PBRM1: variants seen among roughly 807,000 people sequenced by gnomAD.
PBRM1 encodes polybromo 1.
Under a neutral mutation model 194.5 loss-of-function variants are expected in PBRM1, and 27 were observed. The ratio of observed to expected loss-of-function variants is 0.14; its 90% CI spans 0.10 to 0.19. The LOEUF (loss-of-function observed/expected upper bound fraction) is 0.19. Ranked by LOEUF, PBRM1 falls within the 10% of genes least tolerant of loss-of-function variation. The pLI, the probability that PBRM1 is intolerant of heterozygous loss-of-function variation, is 1.00. For missense variants in PBRM1, 1,466 were observed against 2,077.2 expected, an observed-to-expected ratio of 0.71 and a Z score of 5.72; for synonymous variants, 655 against 693.2, an observed-to-expected ratio of 0.94 and a Z score of 0.87.
At chr3:52,600,308 A>G (rs1234180710) in intron 17 of PBRM1, among the ~76,000 whole-genome samples, 2 of 152,202 alleles carry the variant, frequency 1.3e-5, no homozygotes, top group Non-Finnish European at 2.9e-5. Context: ...AATACTGAAA[A>G]TTTGAGAATC....
At chr3:52,563,250 A>G (rs1425267057) in intron 24 of PBRM1, 33 bp downstream of exon 26, 6 of 1,553,684 alleles carry the variant, frequency 3.9e-6, no homozygotes, top group Admixed American at 1.7e-5. Flanking sequence ...AAAGGTGGTA[A>G]TAAGATAAGT....
chr3:52,582,873 G>A (rs990816417), intron 20 of PBRM1, among the ~76,000 whole-genome samples: 2 of 151,754 alleles, frequency 1.3e-5, no homozygotes, highest in African/African-American at 4.8e-5. Context: ...CGAGGCGGGC[G>A]GATCATGAGG....
downstream of PBRM1, chr3:52,547,967 A>C (rs1175384987): frequency 1.2e-5 from 12 of 981,958 alleles, no homozygotes; most frequent in South Asian, 1.5e-4. Flanking sequence ...AATAAAAATT[A>C]TCCTCCTTTG....
chr3:52,588,749 G>T (rs1004274972), intron 18 of PBRM1, among the ~76,000 whole-genome samples: 1 of 151,792 alleles, frequency 6.6e-6, no homozygotes, highest in Admixed American at 6.6e-5. Flanking sequence ...GTAGAGACAG[G>T]GTTTCACTGT....
intron 14 of PBRM1, among the ~76,000 whole-genome samples, chr3:52,615,730 CAA>C (rs1053797671): frequency 1.7e-4 from 26 of 152,208 alleles, no homozygotes; most frequent in African/African-American, 6.3e-4. Flanking sequence ...CAGGTTTTAA[CAA>C]AAGTCCTGAA....
intron 16 of PBRM1, among the ~76,000 whole-genome samples, chr3:52,605,178 A>C (rs1266292980): frequency 1.3e-5 from 2 of 152,096 alleles, no homozygotes; most frequent in Non-Finnish European, 2.9e-5. Context: ...ATCACAGCTC[A>C]CCATAGCCTC....
intron 21 of PBRM1, 25 bp downstream of exon 23, chr3:52,579,029 T>G (rs1310511123): frequency 6.2e-7 from 1 of 1,612,512 alleles, no homozygotes; most frequent in Non-Finnish European, 8.5e-7. Flanking sequence ...TTCAACCTCA[T>G]CTTCCCTAAT....
chr3:52,624,815 C>T (rs1480128416), intron 13 of PBRM1, 82 bp downstream of exon 15: 1 of 923,172 alleles, frequency 1.1e-6, no homozygotes, highest in African/African-American at 1.6e-5. Context: ...CTTAAGGCTT[C>T]ACTTTTCACC....
At chr3:52,643,419 A>T in intron 8 of PBRM1, 76 bp from the exon 10 acceptor site, 2 of 883,696 alleles carry the variant, frequency 2.3e-6, no homozygotes, top group Non-Finnish European at 1.9e-6. Context: ...ACACACACAC[A>T]ACCATTTTCT....
At chr3:52,681,116 A>C (rs2097197111), upstream of PBRM1, 1 of 151,042 alleles carries the variant, frequency 6.6e-6, no homozygotes, top group African/African-American at 2.4e-5. Flanking sequence ...GTACCTCATA[A>C]TTGTAAGGCA....
intron 20 of PBRM1, among the ~76,000 whole-genome samples, chr3:52,580,074 C>A (rs1353386737): frequency 6.6e-6 from 1 of 152,032 alleles, no homozygotes; most frequent in African/African-American, 2.4e-5. Flanking sequence ...GATCTCATTT[C>A]CAAAAAAATT....
intron 3 of PBRM1, among the ~76,000 whole-genome samples, chr3:52,666,836 G>A (rs1054933398): frequency 2.7e-5 from 4 of 149,414 alleles, no homozygotes; most frequent in Non-Finnish European, 4.4e-5. Flanking sequence ...GGGCTGTAGT[G>A]AGCCAAGATC....
downstream of PBRM1, chr3:52,545,629 C>A (rs1470711768): frequency 4.3e-5 from 10 of 232,848 alleles, no homozygotes; most frequent in African/African-American, 2.0e-4. Flanking sequence ...AAAACAACAA[C>A]CAAAACAGTT....
At chr3:52,592,310 T>C (rs1211238845) in intron 17 of PBRM1, among the ~76,000 whole-genome samples, 1 of 151,902 alleles carries the variant, frequency 6.6e-6, no homozygotes, top group Non-Finnish European at 1.5e-5. Context: ...TTTTGTATTG[T>C]TTCTAGAGAC....
chr3:52,629,040 G>A lies in PBRM1; in HGVS notation c.1302-5C>T, dbSNP rs2153598205. 1 of 1,577,780 alleles carries A rather than the reference G, an allele frequency of 6.3e-7. No homozygotes were observed. The highest frequency in any genetic ancestry group is 8.6e-7 in the Non-Finnish European group (1 of 1,160,622). On this transcript the variant is annotated splice_polypyrimidine_tract_variant and splice_region_variant and intron_variant, in intron 11 of 29. Transcript: ENST00000296302. ...TCTTGATTCTTCAGTTTTGTTCTGT[G>A]AAAGACAAAGAAATTGCTAGAATTT... is the stretch of plus-strand genomic sequence containing the variant.
chr3:52,648,334 C>A lies in PBRM1; in HGVS notation c.813+10G>T, dbSNP rs2096388797. 3.9e-6 allele frequency: 6 copies of A among 1,523,862 alleles called. No homozygotes were observed. The highest frequency in any genetic ancestry group is 1.2e-5 in the South Asian group (1 of 84,902). 94.4% of individuals were successfully genotyped at this position (1,523,862 alleles called of 1,614,324 possible). ...AGGAAAACAACAACAACAACAACAACAAAACTAACCTTGAATACTTGAGAG... is the reference window on the plus strand; with the variant it reads ...AGGAAAACAACAACAACAACAACAAAAAAACTAACCTTGAATACTTGAGAG... On this transcript the variant is annotated intron_variant, in intron 7 of 29. Coordinates refer to ENST00000296302, the Ensembl canonical transcript of PBRM1.
At chr3:52,558,269 T>C (rs1014343852) in exon 26 of PBRM1, 1 of 1,538,320 alleles carries the variant, frequency 6.5e-7, no homozygotes. Context: ...TGTCAACTGC[T>C]GATTGAGCAT....
At chr3:52,635,021 A>G (rs1478904617) in intron 10 of PBRM1, among the ~76,000 whole-genome samples, 1 of 152,008 alleles carries the variant, frequency 6.6e-6, no homozygotes, top group Non-Finnish European at 1.5e-5. Flanking sequence ...TGCCTCTGGG[A>G]CTCAAGCAGT....
At chr3:52,585,071 T>C (rs2092153894) in intron 20 of PBRM1, among the ~76,000 whole-genome samples, 1 of 152,316 alleles carries the variant, frequency 6.6e-6, no homozygotes, top group South Asian at 2.1e-4. Flanking sequence ...TCTTGCTTTC[T>C]TAGAATGAAT....
Sources: gnomAD v4.1 joint callset for allele counts (sites outside exome capture counted in the v4.1 genomes callset) on GRCh38, gnomAD v4.1.1 for gene constraint, MANE v1.5 for transcripts, NCBI Gene and HGNC (gene_info 2026-07-23, HGNC 2026-07-21) for gene names.